The following OSBPL10 variants were observed in gnomAD, a reference collection of about 807,000 sequenced individuals.
The protein encoded by OSBPL10 is oxysterol-binding protein-related protein 10.
Under a neutral mutation model 81.7 loss-of-function variants are expected in OSBPL10, and 49 were observed. That is an observed-to-expected ratio of 0.60 (90% CI 0.48 to 0.76). The LOEUF is 0.76. Ranked by LOEUF, OSBPL10 falls within the 30% of genes least tolerant of loss-of-function variation. The pLI is 0.00. For synonymous variants in OSBPL10, 419 were observed against 383.6 expected, an observed-to-expected ratio of 1.09 and a Z score of -1.08; for missense variants, 923 against 987.8, an observed-to-expected ratio of 0.93 and a Z score of 0.88.
chr3:31,871,038 G>C (rs537024838), intron 3 of OSBPL10, among the ~76,000 whole-genome samples: 129 of 152,268 alleles, frequency 8.5e-4, no homozygotes, highest in Admixed American at 2.2e-3. Flanking sequence ...AGACCACTCA[G>C]CTCTACCAAT....
intron 7 of OSBPL10, among the ~76,000 whole-genome samples, chr3:31,696,537 A>G (rs1695726662): frequency 6.6e-6 from 1 of 152,248 alleles, no homozygotes; most frequent in South Asian, 2.1e-4. Context: ...ACCCATCAGC[A>G]GCAATTCAAC....
chr3:31,888,060 CA>C (rs1314682086), intron 1 of OSBPL10, among the ~76,000 whole-genome samples: 1 of 152,072 alleles, frequency 6.6e-6, no homozygotes, highest in Non-Finnish European at 1.5e-5. Flanking sequence ...AACACACTAC[CA>C]GACTTCAAAA....
At chr3:31,750,694 AAAAG>A (rs1332928859) in intron 4 of OSBPL10, among the ~76,000 whole-genome samples, 1 of 152,188 alleles carries the variant, frequency 6.6e-6, no homozygotes, top group African/African-American at 2.4e-5. Flanking sequence ...AAATGCACTG[AAAAG>A]AAAGAAGAAA....
rs565758676 is a variant in OSBPL10 at position 31,956,728 on chromosome 3, C to CA, written c.281+24170dup. 2.5e-3 allele frequency among the ~76,000 whole-genome samples: 352 copies of CA among 138,314 alleles called. 4 individuals carry two copies. Among genetic ancestry groups the CA allele is most frequent in the South Asian group, 0.023 (100 of 4,366 alleles). 90.7% of individuals were successfully genotyped at this position (138,314 alleles called of 152,430 possible). ...GGGCGACAAGAGCGAAACTCCGTCT[C>CA]AAAAAAAAAAAGGGGGCCTTTCATG... is the stretch of plus-strand genomic sequence containing the variant. On this transcript the variant is annotated intron_variant, in intron 1 of 11. Coordinates refer to ENST00000396556, the MANE Select transcript of OSBPL10 (RefSeq NM_017784.5).
chr3:31,728,936 G>A (rs1696886551), intron 6 of OSBPL10, among the ~76,000 whole-genome samples: 1 of 152,146 alleles, frequency 6.6e-6, no homozygotes, highest in Non-Finnish European at 1.5e-5. Context: ...ATACTCCAAG[G>A]AGCATTTCCT....
intron 10 of OSBPL10, among the ~76,000 whole-genome samples, chr3:31,665,329 G>A (rs970386623): frequency 4.6e-5 from 7 of 152,194 alleles, no homozygotes; most frequent in African/African-American, 1.7e-4. Flanking sequence ...CCAGGTGGTG[G>A]AGATTCCCTC....
intron 1 of OSBPL10, among the ~76,000 whole-genome samples, chr3:32,059,799 C>T (rs1256958525): frequency 1.3e-5 from 2 of 151,702 alleles, no homozygotes; most frequent in African/African-American, 4.8e-5. Context: ...GTAGTCCCAG[C>T]TACTTGGGAG....
chr3:31,715,672 A>C (rs1446915723), intron 6 of OSBPL10, among the ~76,000 whole-genome samples: 1 of 152,234 alleles, frequency 6.6e-6, no homozygotes, highest in Non-Finnish European at 1.5e-5. Flanking sequence ...AATAGTAATA[A>C]AATGATTCTG....
At chr3:31,730,840 A>G (rs1696952535) in intron 6 of OSBPL10, among the ~76,000 whole-genome samples, 1 of 152,246 alleles carries the variant, frequency 6.6e-6, no homozygotes, top group Non-Finnish European at 1.5e-5. Context: ...ACATGTTCTA[A>G]ACGGTAAACC....
chr3:31,908,457 G>C (rs1422420278), intron 1 of OSBPL10, among the ~76,000 whole-genome samples: 1 of 152,130 alleles, frequency 6.6e-6, no homozygotes, highest in Non-Finnish European at 1.5e-5. Context: ...AACACAACTG[G>C]AAGAGCCACC....
At chr3:31,823,690 T>C (rs760567839) in intron 4 of OSBPL10, among the ~76,000 whole-genome samples, 2 of 152,176 alleles carry the variant, frequency 1.3e-5, no homozygotes, top group Non-Finnish European at 2.9e-5. Flanking sequence ...CCTTAGTATA[T>C]GAGTATTAAA....
intron 7 of OSBPL10, among the ~76,000 whole-genome samples, chr3:31,697,019 T>C (rs893050106): frequency 5.9e-5 from 9 of 152,232 alleles, no homozygotes; most frequent in Non-Finnish European, 1.0e-4. Context: ...TGACTTCCAA[T>C]GAACCACACC....
chr3:31,972,336 T>A (rs1383588017), intron 1 of OSBPL10, among the ~76,000 whole-genome samples: 1 of 151,916 alleles, frequency 6.6e-6, no homozygotes, highest in Non-Finnish European at 1.5e-5. Flanking sequence ...TTGCAGTGAG[T>A]GGAGATCACG....
intron 3 of OSBPL10, among the ~76,000 whole-genome samples, chr3:31,851,917 A>G (rs1459226688): frequency 3.3e-5 from 5 of 152,192 alleles, no homozygotes; most frequent in Non-Finnish European, 5.9e-5. Context: ...TCTCAAAGAC[A>G]TGATGGATAG....
intron 2 of OSBPL10, among the ~76,000 whole-genome samples, chr3:31,878,670 T>G (rs1402920045): frequency 6.6e-6 from 1 of 152,148 alleles, no homozygotes; most frequent in Non-Finnish European, 1.5e-5. Flanking sequence ...CACGAACAGA[T>G]AGCAAGCAGC....
upstream of OSBPL10, chr3:31,981,365 G>GGCGGCCGCA: frequency 9.5e-7 from 1 of 1,055,526 alleles, no homozygotes; most frequent in Non-Finnish European, 1.2e-6. The surrounding 1 kb of genome is among the most constrained non-coding windows in gnomAD (Gnocchi z 4.5). Flanking sequence ...AAGCCAACGG[G>GGCGGCCGCA]GCTGGATGCA....
At chr3:31,882,853 T>C (rs1051643590) in intron 1 of OSBPL10, among the ~76,000 whole-genome samples, 8 of 152,210 alleles carry the variant, frequency 5.3e-5, no homozygotes, top group Admixed American at 2.6e-4. Context: ...TAGCAGCTGC[T>C]AGCCTTACAT....
chr3:32,034,360 G>C (rs938397404), intron 2 of OSBPL10, among the ~76,000 whole-genome samples: 1 of 151,254 alleles, frequency 6.6e-6, no homozygotes, highest in Non-Finnish European at 1.5e-5. Context: ...AGGATCACTT[G>C]AGTCTGGGAG....
intron 4 of OSBPL10, among the ~76,000 whole-genome samples, chr3:31,803,516 T>C (rs1223083051): frequency 1.3e-5 from 2 of 152,368 alleles, no homozygotes; most frequent in East Asian, 3.9e-4. Context: ...CTTACAGAGA[T>C]GTTGCAAAAA....
Sources: allele counts gnomAD v4.1 joint callset (sites outside exome capture counted in the v4.1 genomes callset), GRCh38; gene constraint gnomAD v4.1.1; non-coding constraint Gnocchi (gnomAD v3.1); transcripts MANE v1.5; gene names NCBI Gene and HGNC (gene_info 2026-07-23, HGNC 2026-07-21).